CLIC4: variants seen among roughly 807,000 people sequenced by gnomAD.
CLIC4 encodes the protein chloride intracellular channel protein 4.
In CLIC4, 13 loss-of-function variants were observed where a neutral mutation model predicts 24.6. That is an observed-to-expected ratio of 0.53 (90% confidence interval 0.34 to 0.84). CLIC4 has a LOEUF of 0.84. CLIC4 is among the 40% of genes least tolerant of loss of function. The probability of loss-of-function intolerance (pLI) is 0.01; values close to 1 mark genes in which losing one functional copy is unlikely to be tolerated. For synonymous variants in CLIC4, 104 were observed against 111.3 expected, an observed-to-expected ratio of 0.93 and a Z score of 0.41; for missense variants, 227 against 301.7, an observed-to-expected ratio of 0.75 and a Z score of 1.83.
At chr1:24,828,741 A>G (rs903273931) in intron 4 of CLIC4, among the ~76,000 whole-genome samples, 12 of 152,190 alleles carry the variant, frequency 7.9e-5, no homozygotes. Flanking sequence ...TCATTTAAGT[A>G]TAACTTTGTA....
intron 4 of CLIC4, among the ~76,000 whole-genome samples, chr1:24,829,853 G>A (rs1639823019): frequency 1.3e-5 from 2 of 152,166 alleles, no homozygotes; most frequent in South Asian, 4.1e-4. Flanking sequence ...GTGCATTATT[G>A]TAGCAGTAAG....
At chr1:24,836,179 T>C (rs1251129425) in intron 4 of CLIC4, among the ~76,000 whole-genome samples, 1 of 152,182 alleles carries the variant, frequency 6.6e-6, no homozygotes, top group East Asian at 1.9e-4. Flanking sequence ...GATAAAATAA[T>C]TCTAAACTTA....
intron 1 of CLIC4, among the ~76,000 whole-genome samples, chr1:24,760,955 G>A (rs1446103078): frequency 6.6e-6 from 1 of 152,260 alleles, no homozygotes; most frequent in East Asian, 1.9e-4. Context: ...ACTAATTAGA[G>A]GTGACTTTTC....
rs940308886 is a variant in CLIC4, at chr1:24,813,987, G to A, written c.183-107G>A. On this transcript the variant is annotated intron_variant, in intron 2 of 5. Transcript: ENST00000374379. ...CCACCTCAGCCTCCTGTAGTGCTAC[G>A]ACTACAGACGCAAGCCACCGTGCCT... 109 of 1,302,168 alleles carry A rather than the reference G, an allele frequency of 8.4e-5. No homozygotes were observed. The African/African-American group carries it at 1.2e-3, about 15-fold the overall frequency. 80.7% of individuals were successfully genotyped at this position (1,302,168 alleles called of 1,614,324 possible). A position where few individuals can be genotyped will look rare whatever the true frequency, so the allele number is the denominator to read the frequency against.
At chr1:24,796,054 TTC>T (rs1212125235) in intron 1 of CLIC4, among the ~76,000 whole-genome samples, 2 of 152,154 alleles carry the variant, frequency 1.3e-5, no homozygotes, top group Non-Finnish European at 2.9e-5. Flanking sequence ...GGAATTACTG[TTC>T]TGTCCAACAT....
At chr1:24,783,877 T>C (rs1030877675) in intron 1 of CLIC4, among the ~76,000 whole-genome samples, 1 of 152,204 alleles carries the variant, frequency 6.6e-6, no homozygotes, top group Non-Finnish European at 1.5e-5. Flanking sequence ...GGGAATAGAC[T>C]GTTATTTACC....
intron 1 of CLIC4, among the ~76,000 whole-genome samples, chr1:24,777,575 A>G (rs777339756): frequency 1.3e-5 from 2 of 152,070 alleles, no homozygotes; most frequent in Non-Finnish European, 2.9e-5. Flanking sequence ...ATGTTGAGTT[A>G]ATGAGTCAGG....
intron 1 of CLIC4, chr1:24,793,166 T>G (rs1458993053): frequency 6.6e-6 from 1 of 152,118 alleles, no homozygotes; most frequent in Non-Finnish European, 1.5e-5. Context: ...TTGTTTTTTT[T>G]TTTTTTTCAG....
At chr1:24,762,401 C>T (rs565217782) in intron 1 of CLIC4, among the ~76,000 whole-genome samples, 29 of 152,192 alleles carry the variant, frequency 1.9e-4, no homozygotes, top group East Asian at 7.7e-4. Context: ...TGCCTGATGA[C>T]GGAGTGAGAC....
chr1:24,815,312 A>T (rs936437665), intron 3 of CLIC4, among the ~76,000 whole-genome samples: 1 of 152,150 alleles, frequency 6.6e-6, no homozygotes, highest in Admixed American at 6.5e-5. Flanking sequence ...AGTCTGACCA[A>T]CATGAAGAAA....
At chr1:24,799,661 C>A (rs1319600092) in intron 2 of CLIC4, among the ~76,000 whole-genome samples, 2 of 130,014 alleles carry the variant, frequency 1.5e-5, no homozygotes, top group African/African-American at 6.4e-5. Flanking sequence ...GGGGGTCAGC[C>A]CCCCCGCCCG....
chr1:24,805,364 C>G (rs1351905827), intron 2 of CLIC4, among the ~76,000 whole-genome samples: 1 of 152,022 alleles, frequency 6.6e-6, no homozygotes, highest in Non-Finnish European at 1.5e-5. Context: ...ACTTGACTAT[C>G]AGTCAAACCA....
chr1:24,821,208 A>G (rs1639728087), intron 3 of CLIC4, among the ~76,000 whole-genome samples: 1 of 151,928 alleles, frequency 6.6e-6, no homozygotes, highest in South Asian at 2.1e-4. Flanking sequence ...GAAAAAAAAA[A>G]AGAATTTTCA....
At chr1:24,788,451 G>A (rs974024978) in intron 1 of CLIC4, among the ~76,000 whole-genome samples, 2 of 152,166 alleles carry the variant, frequency 1.3e-5, no homozygotes, top group African/African-American at 4.8e-5. Flanking sequence ...ATCATATTCA[G>A]TTGTCCCCTG....
intron 2 of CLIC4, among the ~76,000 whole-genome samples, chr1:24,813,420 C>T (rs982966764): frequency 2.0e-5 from 3 of 151,534 alleles, no homozygotes; most frequent in African/African-American, 7.3e-5. Context: ...TTCTTTTTCT[C>T]TTTTTCTTTT....
chr1:24,785,271 G>A (rs531920482), intron 1 of CLIC4, among the ~76,000 whole-genome samples: 3 of 152,202 alleles, frequency 2.0e-5, no homozygotes, highest in African/African-American at 4.8e-5. Flanking sequence ...TGCATGGAAC[G>A]TCTTTAAGTC....
intron 1 of CLIC4, among the ~76,000 whole-genome samples, chr1:24,758,030 AT>A (rs1382921870): frequency 6.6e-6 from 1 of 152,144 alleles, no homozygotes; most frequent in Non-Finnish European, 1.5e-5. Context: ...AAGTGCTGTG[AT>A]TACAGGTGTG....
intron 3 of CLIC4, among the ~76,000 whole-genome samples, chr1:24,824,823 A>G (rs1369263430): frequency 6.6e-6 from 1 of 151,650 alleles, no homozygotes. Flanking sequence ...ACATGGGGAA[A>G]CCTCGTCTCT....
intron 1 of CLIC4, among the ~76,000 whole-genome samples, chr1:24,771,439 T>C (rs188462862): frequency 1.3e-5 from 2 of 152,250 alleles, no homozygotes; most frequent in Admixed American, 1.3e-4. Context: ...GATAAGGGAT[T>C]ATTTTCTTTT....
Sources: allele counts gnomAD v4.1 joint callset (sites outside exome capture counted in the v4.1 genomes callset), GRCh38; gene constraint gnomAD v4.1.1; transcripts MANE v1.5; gene names NCBI Gene and HGNC (gene_info 2026-07-23, HGNC 2026-07-21).